Variants in GRB14 observed in about 807,000 individuals in gnomAD.
GRB14 encodes the protein growth factor receptor bound protein 14, also known as growth factor receptor-bound protein 14.
In GRB14, 38 loss-of-function variants were observed where a neutral mutation model predicts 69.1. The observed-to-expected ratio is 0.55, with a 90% CI of 0.42 to 0.72. The LOEUF is 0.72. GRB14 is among the 30% of genes least tolerant of loss of function. The pLI, the probability that GRB14 is intolerant of heterozygous loss-of-function variation, is 0.00. For synonymous variants in GRB14, 247 were observed against 241.3 expected (o/e 1.02, Z -0.22); for missense variants, 666 against 666.1 (o/e 1.00, Z 0.00).
At chr2:164,533,499 C>T (rs554345138) in intron 3 of GRB14, among the ~76,000 whole-genome samples, 89 of 152,118 alleles carry the variant, frequency 5.9e-4, no homozygotes, top group African/African-American at 2.1e-3. Flanking sequence ...GGATTACAGG[C>T]GTGAGCCACC....
At chr2:164,616,998 A>C (rs910669244) in intron 2 of GRB14, among the ~76,000 whole-genome samples, 4 of 152,190 alleles carry the variant, frequency 2.6e-5, no homozygotes, top group African/African-American at 9.6e-5. Flanking sequence ...TGGGGGACTC[A>C]CTTACATAGA....
At chr2:164,524,939 A>T in intron 5 of GRB14, 65 bp downstream of exon 5, 1 of 856,334 alleles carries the variant, frequency 1.2e-6, no homozygotes. Flanking sequence ...CATGTATAAA[A>T]AAGGACTTAA....
At chr2:164,506,849 A>G (rs1413604924) in intron 8 of GRB14, among the ~76,000 whole-genome samples, 2 of 152,184 alleles carry the variant, frequency 1.3e-5, no homozygotes, top group South Asian at 2.1e-4. Context: ...ACCACAAAAC[A>G]CTATGCTAAG....
At chr2:164,531,716 T>C (rs1315516471) in intron 3 of GRB14, among the ~76,000 whole-genome samples, 1 of 152,152 alleles carries the variant, frequency 6.6e-6, no homozygotes, top group East Asian at 1.9e-4. Context: ...GGGAACTAGA[T>C]GGTAACTGGA....
chr2:164,508,358 C>T (rs1687244500), intron 8 of GRB14, 97 bp downstream of exon 8: 2 of 880,280 alleles, frequency 2.3e-6, no homozygotes, highest in African/African-American at 3.3e-5. Flanking sequence ...TCTCATGTAG[C>T]CACCCAGTGA....
At chr2:164,545,909 A>G (rs1559044247) in intron 3 of GRB14, among the ~76,000 whole-genome samples, 1 of 152,226 alleles carries the variant, frequency 6.6e-6, no homozygotes, top group Non-Finnish European at 1.5e-5. Context: ...ATGCATTTCC[A>G]AATAAAACAT....
intron 2 of GRB14, among the ~76,000 whole-genome samples, chr2:164,594,316 C>CTTAA (rs1164068931): frequency 4.6e-5 from 7 of 152,172 alleles, no homozygotes; most frequent in Non-Finnish European, 1.5e-5. Context: ...TTCTGGACTA[C>CTTAA]TTAAGCAAGC....
At chr2:164,510,950 G>C (rs1687323787) in intron 6 of GRB14, among the ~76,000 whole-genome samples, 1 of 152,192 alleles carries the variant, frequency 6.6e-6, no homozygotes, top group African/African-American at 2.4e-5. Flanking sequence ...ACTTGGGAGA[G>C]GGAGAGCACA....
chr2:164,516,138 A>G (rs1392761863), intron 6 of GRB14, among the ~76,000 whole-genome samples: 2 of 152,148 alleles, frequency 1.3e-5, no homozygotes, highest in Non-Finnish European at 2.9e-5. Context: ...TTTGGAAAAC[A>G]TATTTGAGGG....
At position 164,493,148 on chromosome 2, in the gene GRB14, T is replaced by A. The variant is rs1686801998; in HGVS notation, c.1511A>T (p.Asp504Val). The A allele has an allele frequency of 6.2e-7, 1 of 1,613,526 alleles. No individual in the cohort carries two copies. Among genetic ancestry groups the A allele is most frequent in the Non-Finnish European group, 8.5e-7 (1 of 1,179,660 alleles). The change falls in exon 14 of 14, where the codon GAT becomes GTT. Residue 504 changes from aspartate to valine, a missense_variant. Physicochemically the swap from Asp to Val is radical, Grantham distance 152 (BLOSUM62 -3). Coordinates refer to ENST00000263915, the MANE Select transcript of GRB14 (RefSeq NM_004490.3). Reference protein sequence around the residue: ...EDDGEMFHTLDDGHTRFTDLI... With the variant: ...EDDGEMFHTLVDGHTRFTDLI... ...ATCTGTAAATCTTGTGTGGCCATCA[T>A]CCAGTGTGTGGAACATTTCACCGTC...
chr2:164,621,257 CG>C lies in GRB14; in HGVS notation c.52del (p.Arg18GlyfsTer92). 1 of 1,280,530 alleles carries C rather than the reference CG, an allele frequency of 7.8e-7. No individual in the cohort carries two copies. Among genetic ancestry groups the C allele is most frequent in the Non-Finnish European group, 9.9e-7 (1 of 1,012,936 alleles). The allele number at this position is 1,280,530 out of a possible 1,614,324, so 79.3% of individuals were successfully genotyped here. A position where few individuals can be genotyped will look rare whatever the true frequency, so the allele number is the denominator to read the frequency against. ...GQSAASRAAA[R>X]DSPLAAQVCG... ...CACCTGGGCGGCCAGCGGCGAATCC[CG>C]GGCAGCCGCCCTGCTCGCGGCGCTC... On this transcript the variant is annotated frameshift_variant, in exon 1 of 14. Coordinates refer to ENST00000263915, the MANE Select transcript of GRB14 (RefSeq NM_004490.3). LOFTEE classifies it high-confidence loss of function. The surrounding 1 kb of genome is among the most constrained non-coding windows in gnomAD (Gnocchi z 6.0).
chr2:164,548,781 T>C (rs1386714414), intron 2 of GRB14, among the ~76,000 whole-genome samples: 6 of 152,228 alleles, frequency 3.9e-5, no homozygotes, highest in African/African-American at 1.4e-4. Flanking sequence ...TATCTCATAG[T>C]GGTTTTGATT....
chr2:164,493,268 C>A, intron 13 of GRB14, 86 bp from the exon 14 acceptor site: 1 of 1,198,062 alleles, frequency 8.3e-7, no homozygotes, highest in Non-Finnish European at 1.2e-6. Context: ...TCTCCACATG[C>A]CAAAACTGCC....
intron 10 of GRB14, 27 bp downstream of exon 10, chr2:164,497,347 T>TTTTGAAATA: frequency 6.2e-7 from 1 of 1,604,380 alleles, no homozygotes; most frequent in Non-Finnish European, 8.5e-7. Flanking sequence ...ATCATAAATA[T>TTTTGAAATA]TTTGAAGCAT....
chr2:164,493,033 T>A lies in GRB14; in HGVS notation c.*3A>T. ...ATAGTTTAATAAGTCACTTCTGGCT[T>A]GTCTAGAGAGCAATCCTAGCACAAT... On this transcript the variant is annotated 3_prime_UTR_variant, in exon 14 of 14. Transcript: ENST00000263915. 1 of 1,610,668 alleles carries A rather than the reference T, an allele frequency of 6.2e-7. No homozygotes were observed. Among genetic ancestry groups the A allele is most frequent in the Non-Finnish European group, 8.5e-7 (1 of 1,178,408 alleles).
chr2:164,586,292 T>C (rs183000611), intron 2 of GRB14, among the ~76,000 whole-genome samples: 1 of 152,250 alleles, frequency 6.6e-6, no homozygotes, highest in Admixed American at 6.5e-5. Context: ...TGCATTGGAG[T>C]TAATCTTTCC....
At chr2:164,555,438 G>C (rs1688654393) in intron 2 of GRB14, among the ~76,000 whole-genome samples, 1 of 151,806 alleles carries the variant, frequency 6.6e-6, no homozygotes, top group Admixed American at 6.6e-5. Context: ...ATAAAACAAT[G>C]AGTAAGAATC....
At chr2:164,514,879 G>T (rs932828770) in intron 6 of GRB14, among the ~76,000 whole-genome samples, 9 of 152,194 alleles carry the variant, frequency 5.9e-5, no homozygotes, top group Non-Finnish European at 1.2e-4. Flanking sequence ...GGGGCATGGA[G>T]TGAGCTAAAC....
At chr2:164,568,304 A>T (rs962906882) in intron 2 of GRB14, 3 of 1,282,328 alleles carry the variant, frequency 2.3e-6, no homozygotes, top group Non-Finnish European at 3.1e-6. Flanking sequence ...AAGGATAAAG[A>T]AGTCACATAC....
Sources: allele counts gnomAD v4.1 joint callset (sites outside exome capture counted in the v4.1 genomes callset), GRCh38; gene constraint gnomAD v4.1.1; non-coding constraint Gnocchi (gnomAD v3.1); transcripts MANE v1.5; gene names NCBI Gene and HGNC (gene_info 2026-07-23, HGNC 2026-07-21).